The following RYR2 variants were observed in gnomAD, a reference collection of about 807,000 sequenced individuals.
RYR2 encodes ryanodine receptor 2, also known as cardiac muscle ryanodine receptor-calcium release channel.
In RYR2, 227 loss-of-function variants were observed where a neutral mutation model predicts 601.1. The ratio of observed to expected loss-of-function variants is 0.38; its 90% CI spans 0.34 to 0.42. The LOEUF (loss-of-function observed/expected upper bound fraction) is 0.42. Ranked by LOEUF, RYR2 falls within the 10% of genes least tolerant of loss-of-function variation. The pLI is 1.00. For synonymous variants in RYR2, 2,223 were observed against 2,175.1 expected (o/e 1.02, Z -0.61); for missense variants, 4,646 against 6,156.5 (o/e 0.75, Z 8.21).
intron 1 of RYR2, among the ~76,000 whole-genome samples, chr1:237,251,510 C>G (rs1009357274): frequency 2.0e-5 from 3 of 152,146 alleles, no homozygotes; most frequent in Non-Finnish European, 4.4e-5. Context: ...TTCTTTCTAC[C>G]TTAGAGGTCA....
In RYR2 at chr1:237,258,803, G is replaced by C. The variant is rs532685736; in HGVS notation, c.49-11694G>C. On this transcript the variant is annotated intron_variant, in intron 1 of 104. Transcript: ENST00000366574. ...CTAAGGCGTTAATTTAGAGTTTATT[G>C]GTGCAGTATACCTGCTCAGCACTGA... Among the ~76,000 whole-genome samples the C allele has an allele frequency of 2.0e-5, 3 of 152,238 alleles. No homozygotes were observed. In the East Asian group the frequency reaches 5.8e-4, roughly 29 times the overall value.
intron 84 of RYR2, among the ~76,000 whole-genome samples, chr1:237,764,402 ATTTTTTTTTTTT>A (rs59485547): frequency 1.4e-4 from 10 of 69,962 alleles, no homozygotes; most frequent in East Asian, 4.8e-4. Context: ...CTTAGGTAGC[ATTTTTTTTTTTT>A]TTTTTTTTTT....
At chr1:237,436,007 G>A (rs1707313980) in intron 12 of RYR2, among the ~76,000 whole-genome samples, 1 of 152,170 alleles carries the variant, frequency 6.6e-6, no homozygotes, top group Non-Finnish European at 1.5e-5. Flanking sequence ...CAGGTGGTAA[G>A]GAAGAGAGAA....
intron 1 of RYR2, among the ~76,000 whole-genome samples, chr1:237,115,074 C>A (rs1669902498): frequency 6.6e-6 from 1 of 152,064 alleles, no homozygotes; most frequent in African/African-American, 2.4e-5. Flanking sequence ...GATGGCCAGG[C>A]AATAGTTGGG....
chr1:237,433,500 A>T (rs1707044328), intron 12 of RYR2, among the ~76,000 whole-genome samples: 2 of 149,242 alleles, frequency 1.3e-5, no homozygotes, highest in African/African-American at 2.4e-5. Context: ...TAAAGATGAA[A>T]ATATATATAT....
chr1:237,537,913 G>A (rs979047336), intron 25 of RYR2, among the ~76,000 whole-genome samples: 2 of 152,136 alleles, frequency 1.3e-5, no homozygotes, highest in Non-Finnish European at 2.9e-5. Context: ...ATAAGGAGGG[G>A]ATTGGAATTG....
intron 1 of RYR2, among the ~76,000 whole-genome samples, chr1:237,129,895 A>G (rs542598238): frequency 1.3e-5 from 2 of 152,276 alleles, no homozygotes; most frequent in South Asian, 2.1e-4. Flanking sequence ...AGTTTAATTC[A>G]TAGAAATGAC....
Position 237,229,352 on chromosome 1 carries a change from G to C in RYR2, c.49-41145G>C, listed in dbSNP as rs545919000. On this transcript the variant is annotated intron_variant, in intron 1 of 104. Transcript: ENST00000366574. The stretch of plus-strand genomic sequence containing the variant: ...TTTTTCACCTTTTGGGTTTCATTAT[G>C]TTTGCACCAATGAGACTTGTCCTTT... Among the ~76,000 whole-genome samples the C allele has an allele frequency of 6.6e-5, 10 of 152,310 alleles. No homozygotes were observed. In the East Asian group the frequency reaches 1.4e-3, roughly 21 times the overall value.
Position 237,208,755 on chromosome 1 carries a change from T to C in RYR2, c.49-61742T>C, listed in dbSNP as rs575058434. Among the ~76,000 whole-genome samples the C allele has an allele frequency of 3.3e-5, 5 of 151,810 alleles. No individual in the cohort carries two copies. In the South Asian group the frequency reaches 8.3e-4, roughly 25 times the overall value. ...TTCTACTCTCTTAGCAAATTTCAAGTGTCCAATACAGTGTTATTAACTACA... is the reference window on the plus strand; with the variant it reads ...TTCTACTCTCTTAGCAAATTTCAAGCGTCCAATACAGTGTTATTAACTACA... On this transcript the variant is annotated intron_variant, in intron 1 of 104. Coordinates refer to ENST00000366574, the MANE Select transcript of RYR2 (RefSeq NM_001035.3).
At chr1:237,732,224 G>T (rs1690754710) in intron 78 of RYR2, 75 bp downstream of exon 78, 4 of 839,434 alleles carry the variant, frequency 4.8e-6, no homozygotes, top group Non-Finnish European at 7.7e-6. Context: ...TCTGTGCCAT[G>T]TGTTCATGTT....
intron 1 of RYR2, among the ~76,000 whole-genome samples, chr1:237,113,697 A>G (rs1205344705): frequency 1.3e-5 from 2 of 152,182 alleles, no homozygotes; most frequent in Non-Finnish European, 2.9e-5. Flanking sequence ...TACACTTGTG[A>G]GAAAAGAGAT....
intron 24 of RYR2, among the ~76,000 whole-genome samples, chr1:237,518,108 T>C (rs1379995723): frequency 6.6e-6 from 1 of 152,184 alleles, no homozygotes; most frequent in African/African-American, 2.4e-5. Flanking sequence ...CCATTATTAA[T>C]GTTACTATCA....
intron 1 of RYR2, among the ~76,000 whole-genome samples, chr1:237,234,727 G>A (rs1215070595): frequency 2.0e-5 from 3 of 152,134 alleles, no homozygotes; most frequent in Non-Finnish European, 4.4e-5. Context: ...GATAAATTTT[G>A]CATAGATATG....
chr1:237,184,476 T>C (rs1435663963), intron 1 of RYR2, among the ~76,000 whole-genome samples: 1 of 152,250 alleles, frequency 6.6e-6, no homozygotes, highest in African/African-American at 2.4e-5. Flanking sequence ...TAAAGCTTAA[T>C]GTTATCAAGA....
intron 25 of RYR2, among the ~76,000 whole-genome samples, chr1:237,540,607 T>C (rs550226427): frequency 3.3e-5 from 5 of 152,030 alleles, no homozygotes; most frequent in Non-Finnish European, 5.9e-5. Context: ...CTTGGGAGGC[T>C]GAGGCGGGAG....
chr1:237,091,440 G>GA (rs1307518909), intron 1 of RYR2, among the ~76,000 whole-genome samples: 2 of 149,082 alleles, frequency 1.3e-5, no homozygotes, highest in African/African-American at 5.0e-5. Flanking sequence ...GGGGGGGCGG[G>GA]GGGGGATAGG....
chr1:237,242,788 T>C (rs1686343399), intron 1 of RYR2, among the ~76,000 whole-genome samples: 1 of 152,184 alleles, frequency 6.6e-6, no homozygotes, highest in Non-Finnish European at 1.5e-5. Flanking sequence ...AAGTTGTCAA[T>C]GCTGTGTTGA....
intron 100 of RYR2, among the ~76,000 whole-genome samples, chr1:237,811,078 T>G (rs1211696391): frequency 6.6e-6 from 1 of 152,176 alleles, no homozygotes; most frequent in Non-Finnish European, 1.5e-5. Context: ...TACTATTTCT[T>G]TTTACCATAG....
intron 1 of RYR2, among the ~76,000 whole-genome samples, chr1:237,172,797 T>C (rs1377082754): frequency 6.6e-6 from 1 of 152,110 alleles, no homozygotes; most frequent in Non-Finnish European, 1.5e-5. Flanking sequence ...GTTCCCAAGG[T>C]TCTGGTTGGT....
Sources: allele counts gnomAD v4.1 joint callset (sites outside exome capture counted in the v4.1 genomes callset), GRCh38; gene constraint gnomAD v4.1.1; transcripts MANE v1.5; gene names NCBI Gene and HGNC (gene_info 2026-07-23, HGNC 2026-07-21).